Variants in ANKRD11 observed in about 807,000 individuals in gnomAD.
ANKRD11 encodes ankyrin repeat domain 11.
ANKRD11 carries 17 observed loss-of-function variants against 195.7 expected under a neutral mutation model. That is an observed-to-expected ratio of 0.09 (90% CI 0.06 to 0.13). The LOEUF (loss-of-function observed/expected upper bound fraction) is 0.13. Ranked by LOEUF, ANKRD11 falls within the 10% of genes least tolerant of loss-of-function variation. The pLI is 1.00. For missense variants in ANKRD11, 3,735 were observed against 3,566.1 expected, an observed-to-expected ratio of 1.05 and a Z score of -1.21; for synonymous variants, 1,953 against 1,528.1, an observed-to-expected ratio of 1.28 and a Z score of -6.49.
intron 11 of ANKRD11, 144 bp downstream of exon 11, chr16:89,274,670 G>A: frequency 1.6e-6 from 2 of 1,232,796 alleles, no homozygotes; most frequent in Non-Finnish European, 2.3e-6. Flanking sequence ...CAAGGCTAGA[G>A]GCATGCAAAG....
intron 4 of ANKRD11, among the ~76,000 whole-genome samples, chr16:89,293,180 C>A (rs2035176816): frequency 2.0e-5 from 3 of 151,868 alleles, no homozygotes; most frequent in South Asian, 4.1e-4. Context: ...TCACCCAGAG[C>A]AGGGGGGTTA....
chr16:89,282,451 T>A lies in ANKRD11; in HGVS notation c.4091A>T (p.Glu1364Val), dbSNP rs781494404. 1 of 1,614,156 alleles carries A rather than the reference T, an allele frequency of 6.2e-7. No homozygotes were observed. Among genetic ancestry groups the A allele is most frequent in the South Asian group, 1.1e-5 (1 of 91,076 alleles). Residue 1364 changes from glutamate to valine, a missense_variant, in exon 9 of 13, where the codon GAG (glutamate) becomes GTG (valine). Glu to Val is a moderately radical substitution (Grantham distance 121, BLOSUM62 -2). Coordinates refer to ENST00000301030, the MANE Select transcript of ANKRD11 (RefSeq NM_013275.6). Reference protein sequence around the residue: ...SSSSKKSHDRERAKKEKAEKK... With the variant: ...SSSSKKSHDRVRAKKEKAEKK... Reference sequence around the variant, plus strand: ...CTCGGCCTTCTCTTTCTTGGCTCGCTCTCGGTCGTGGCTCTTCTTGGATGA... The same window carrying A: ...CTCGGCCTTCTCTTTCTTGGCTCGCACTCGGTCGTGGCTCTTCTTGGATGA...
At chr16:89,359,178 A>G (rs1019884569) in intron 2 of ANKRD11, among the ~76,000 whole-genome samples, 5 of 152,204 alleles carry the variant, frequency 3.3e-5, no homozygotes, top group African/African-American at 9.7e-5. Context: ...TCAATCTGAA[A>G]CAAGATCACG....
In ANKRD11 at chr16:89,384,879, C is replaced by CTTTTTTTTTTTTTTT. The variant is rs869271846; in HGVS notation, c.-60+33390_-60+33404dup. Among the ~76,000 whole-genome samples the CTTTTTTTTTTTTTTT allele has an allele frequency of 7.5e-3, 374 of 49,940 alleles. 53 individuals are homozygous for CTTTTTTTTTTTTTTT. Among genetic ancestry groups the CTTTTTTTTTTTTTTT allele is most frequent in the Middle Eastern group, 0.019 (1 of 54 alleles). The allele number at this position is 49,940 out of a possible 152,430, so 32.8% of individuals were successfully genotyped here. A position where few individuals can be genotyped will look rare whatever the true frequency, so the allele number is the denominator to read the frequency against. On this transcript the variant is annotated intron_variant, in intron 2 of 12. Transcript: ENST00000301030. Reference sequence around the variant, plus strand: ...GGAGCACACAATGAGAAATAGTTTTCTTTTTTTTTTTTTTTTTTTTTTTTT... The same window carrying CTTTTTTTTTTTTTTT: ...GGAGCACACAATGAGAAATAGTTTTCTTTTTTTTTTTTTTTTTTTTTTTTTTTTTTTTTTTTTTTT...
At chr16:89,345,484 G>C (rs1023114684) in intron 2 of ANKRD11, among the ~76,000 whole-genome samples, 13 of 152,178 alleles carry the variant, frequency 8.5e-5, no homozygotes, top group Non-Finnish European at 1.6e-4. Flanking sequence ...CCCCAAGCAC[G>C]GAGGCAGAGA....
chr16:89,283,033 T>C lies in ANKRD11; in HGVS notation c.3509A>G (p.Lys1170Arg), dbSNP rs1468931429. 3 of 1,613,884 alleles carry C rather than the reference T, an allele frequency of 1.9e-6. No individual in the cohort carries two copies. Among genetic ancestry groups the C allele is most frequent in the East Asian group, 2.2e-5 (1 of 44,854 alleles). ...ASDRHRKSSD[K>R]QHPERQKDKE... is the part of the protein sequence containing the mutation. ...GTCCTTCTGCCTCTCAGGGTGCTGC[T>C]TGTCAGAAGACTTCCTGTGTCTGTC... The change falls in exon 9 of 13, where the codon AAG becomes AGG. Residue 1170 changes from lysine (K) to arginine (R), a missense_variant. Coordinates refer to ENST00000301030, the MANE Select transcript of ANKRD11 (RefSeq NM_013275.6). This position sits in a 1 kb window ranked among gnomAD's most constrained non-coding sequence, Gnocchi z 4.3.
intron 1 of ANKRD11, among the ~76,000 whole-genome samples, chr16:89,422,714 T>C (rs569274562): frequency 5.9e-5 from 9 of 152,334 alleles, no homozygotes; most frequent in African/African-American, 1.9e-4. Flanking sequence ...GGAAGGAAGC[T>C]GGGCAGACCT....
intron 2 of ANKRD11, among the ~76,000 whole-genome samples, chr16:89,408,751 G>T (rs1002213508): frequency 1.3e-5 from 2 of 152,102 alleles, no homozygotes; most frequent in African/African-American, 4.8e-5. Context: ...CTGATCAGCC[G>T]TGGAATCCTG....
chr16:89,321,424 C>T (rs1204074113), intron 2 of ANKRD11, among the ~76,000 whole-genome samples: 1 of 38,822 alleles, frequency 2.6e-5, no homozygotes, highest in South Asian at 9.3e-4. Context: ...GACTGTGGGG[C>T]GGGGCCTGCA....
Position 89,285,555 on chromosome 16 carries a change from G to T in ANKRD11, c.987C>A (p.His329Gln). Residue 329 changes from histidine (H) to glutamine (Q), a missense_variant, in exon 9 of 13, where the codon CAC (histidine) becomes CAA (glutamine). Transcript: ENST00000301030. The surrounding 1 kb of genome is among the most constrained non-coding windows in gnomAD (Gnocchi z 5.6). ...TCTGTGGCTCTGGGTTCTTGGCCTT[G>T]TGCTTGAGGCCTTTTTCGAACTCGG... Reference protein sequence around the residue: ...TDSEFEKGLKHKAKNPEPQKA... With the variant: ...TDSEFEKGLKQKAKNPEPQKA... 6.2e-7 allele frequency: 1 copy of T among 1,614,164 alleles called. No homozygotes were observed. The highest frequency in any genetic ancestry group is 8.5e-7 in the Non-Finnish European group (1 of 1,180,022).
intron 1 of ANKRD11, among the ~76,000 whole-genome samples, chr16:89,450,636 A>T (rs972362174): frequency 6.6e-6 from 1 of 151,814 alleles, no homozygotes; most frequent in African/African-American, 2.4e-5. Context: ...ACATTCCTAA[A>T]CTCCTACTTT....
rs139384857 is a variant in ANKRD11, at chr16:89,283,260, G to C, written c.3282C>G (p.Ile1094Met). The change falls in exon 9 of 13, where the codon ATC becomes ATG. Residue 1094 changes from isoleucine to methionine, a missense_variant. Coordinates refer to ENST00000301030, the MANE Select transcript of ANKRD11 (RefSeq NM_013275.6). This position sits in a 1 kb window ranked among gnomAD's most constrained non-coding sequence, Gnocchi z 4.3. ...KEKKEKAFPG[I>M]ISEDFSEKKD... ...TTTTTTCAGAGAAGTCTTCTGAGAT[G>C]ATCCCAGGGAAAGCCTTCTCCTTCT... 3.0e-5 allele frequency: 49 copies of C among 1,614,114 alleles called. No individual in the cohort carries two copies. In the African/African-American group the frequency reaches 5.9e-4, roughly 19 times the overall value.
chr16:89,434,527 G>C (rs2043131005), intron 1 of ANKRD11, among the ~76,000 whole-genome samples: 1 of 152,220 alleles, frequency 6.6e-6, no homozygotes, highest in South Asian at 2.1e-4. Context: ...CAGGCCACCT[G>C]AGCCCCACCT....
chr16:89,384,093 G>A (rs948268117), intron 2 of ANKRD11, among the ~76,000 whole-genome samples: 2 of 152,144 alleles, frequency 1.3e-5, no homozygotes, highest in Admixed American at 6.6e-5. Context: ...GGTGGCAGGC[G>A]CTTGTAATCC....
At chr16:89,366,695 C>CG (rs2039965171) in intron 2 of ANKRD11, among the ~76,000 whole-genome samples, 1 of 152,126 alleles carries the variant, frequency 6.6e-6, no homozygotes, top group Admixed American at 6.5e-5. Context: ...GACAGAGGTG[C>CG]GGCACAGTCA....
chr16:89,320,621 G>T (rs2151932821), intron 2 of ANKRD11, among the ~76,000 whole-genome samples: 1 of 152,252 alleles, frequency 6.6e-6, no homozygotes, highest in South Asian at 2.1e-4. Context: ...GTCCAGGGTG[G>T]TGGGAGTCCC....
At chr16:89,436,088 TG>T (rs1181498319) in intron 1 of ANKRD11, among the ~76,000 whole-genome samples, 1 of 152,080 alleles carries the variant, frequency 6.6e-6, no homozygotes, top group Non-Finnish European at 1.5e-5. Flanking sequence ...ATTCCCCATT[TG>T]GGAAAGTAGA....
Position 89,279,406 on chromosome 16 carries a change from G to A in ANKRD11, c.7136C>T (p.Ala2379Val). 6.5e-7 allele frequency: 1 copy of A among 1,543,268 alleles called. No homozygotes were observed. The highest frequency in any genetic ancestry group is 2.4e-5 in the East Asian group (1 of 41,154). ...AKARGSEDDD[A>V]QAQHPRKRRF... is the part of the protein sequence containing the mutation. ...GCGTTTGCGCGGATGCTGGGCCTGG[G>A]CGTCGTCGTCCTCGGAGCCGCGGGC... Residue 2379 changes from alanine (A) to valine (V), a missense_variant, in exon 9 of 13, where the codon GCC becomes GTC. Coordinates refer to ENST00000301030, the MANE Select transcript of ANKRD11 (RefSeq NM_013275.6). This position sits in a 1 kb window ranked among gnomAD's most constrained non-coding sequence, Gnocchi z 5.6.
chr16:89,469,864 C>CA lies in ANKRD11; in HGVS notation c.-145+20380dup, dbSNP rs2057016066. On this transcript the variant is annotated intron_variant, in intron 1 of 12. Transcript: ENST00000301030. ...AGGGAGCCAAGATCGCGCCCGGAGA[C>CA]AGAGTGAGGCTCCGTTTCAGAAAAA... Among the ~76,000 whole-genome samples the CA allele has an allele frequency of 4.0e-5, 6 of 149,992 alleles. No individual in the cohort carries two copies. The South Asian group carries it at 1.3e-3, about 32-fold the overall frequency.
Sources: gnomAD v4.1 joint callset for allele counts (sites outside exome capture counted in the v4.1 genomes callset) on GRCh38, gnomAD v4.1.1 for gene constraint, Gnocchi (gnomAD v3.1) non-coding constraint, MANE v1.5 for transcripts, NCBI Gene and HGNC (gene_info 2026-07-23, HGNC 2026-07-21) for gene names.